The following PARVB variants were observed in gnomAD, a reference collection of about 807,000 sequenced individuals.
The protein encoded by PARVB is beta-parvin.
In PARVB, 46 loss-of-function variants were observed where a neutral mutation model predicts 47.0. The ratio of observed to expected loss-of-function variants is 0.98; its 90% CI spans 0.77 to 1.25. The LOEUF (loss-of-function observed/expected upper bound fraction) is 1.25, where lower values mean the gene tolerates loss of function less well. Ranked by LOEUF, PARVB falls within the 50% of genes most tolerant of loss-of-function variation. The pLI is 0.00. For missense variants in PARVB, 473 were observed against 471.6 expected (o/e 1.00, Z -0.03); for synonymous variants, 196 against 196.3 (o/e 1.00, Z 0.01).
intron 4 of PARVB, among the ~76,000 whole-genome samples, chr22:44,127,639 G>A (rs544010923): frequency 6.6e-6 from 1 of 152,330 alleles, no homozygotes; most frequent in East Asian, 1.9e-4. Flanking sequence ...CAGTCACAAG[G>A]GAGGGGGAGC....
intron 1 of PARVB, among the ~76,000 whole-genome samples, chr22:44,065,632 C>A (rs779365375): frequency 6.6e-6 from 1 of 152,214 alleles, no homozygotes; most frequent in East Asian, 1.9e-4. Flanking sequence ...CTACCTCCCA[C>A]CCTTTCCCCA....
intron 1 of PARVB, among the ~76,000 whole-genome samples, chr22:44,067,080 G>A (rs972847720): frequency 1.3e-5 from 2 of 152,068 alleles, no homozygotes; most frequent in African/African-American, 4.8e-5. Flanking sequence ...GGGCTCGAGC[G>A]GTCCTCCTGC....
At chr22:44,139,852 A>T (rs2147183439) in intron 7 of PARVB, 1 of 487,626 alleles carries the variant, frequency 2.1e-6, no homozygotes, top group East Asian at 3.4e-5. Flanking sequence ...CCTCCAAACA[A>T]CATTACCAGG....
chr22:44,124,148 A>G (rs1474478770), intron 4 of PARVB, among the ~76,000 whole-genome samples: 2 of 152,214 alleles, frequency 1.3e-5, no homozygotes, highest in South Asian at 2.1e-4. Flanking sequence ...GTGGGACATG[A>G]AAGGGGGACA....
chr22:44,066,096 G>A (rs1034929120), intron 1 of PARVB, among the ~76,000 whole-genome samples: 3 of 152,172 alleles, frequency 2.0e-5, no homozygotes, highest in African/African-American at 4.8e-5. Context: ...TGAGAGTGGC[G>A]CTACAGCAAA....
At position 44,125,868 on chromosome 22, in the gene PARVB, T is replaced by G. The variant is rs1197296889; in HGVS notation, c.377-5619T>G. Among the ~76,000 whole-genome samples the G allele has an allele frequency of 6.6e-6, 1 of 152,112 alleles. No homozygotes were observed. Among genetic ancestry groups the G allele is most frequent in the African/African-American group, 2.4e-5 (1 of 41,412 alleles). On this transcript the variant is annotated intron_variant, in intron 4 of 12. Coordinates refer to ENST00000338758, the MANE Select transcript of PARVB (RefSeq NM_013327.5). This position sits in a 1 kb window ranked among gnomAD's most constrained non-coding sequence, Gnocchi z 4.1. ...GAGATCAGTCAGGACACCATTGCCA[T>G]GGCCCAGGCATCTGATGAAGTAGCT... is the stretch of plus-strand genomic sequence containing the variant.
At chr22:44,021,915 A>C (rs2050654969), upstream of PARVB, among the ~76,000 whole-genome samples, 1 of 152,126 alleles carries the variant, frequency 6.6e-6, no homozygotes, top group African/African-American at 2.4e-5. Flanking sequence ...GGAGAGATGC[A>C]GGGAACAGAT....
chr22:44,052,814 T>A (rs5764484), intron 1 of PARVB, among the ~76,000 whole-genome samples: 15 of 152,116 alleles, frequency 9.9e-5, no homozygotes, highest in South Asian at 8.3e-4. Context: ...GTGTTGGTGC[T>A]CACCTGTAGT....
At chr22:44,129,762 T>G (rs1477249971) in intron 4 of PARVB, among the ~76,000 whole-genome samples, 1 of 152,170 alleles carries the variant, frequency 6.6e-6, no homozygotes, top group African/African-American at 2.4e-5. Context: ...TGTGTTTTGT[T>G]GGGCTGCTTT....
chr22:44,158,846 C>T (rs2053991939), intron 11 of PARVB, among the ~76,000 whole-genome samples: 1 of 152,226 alleles, frequency 6.6e-6, no homozygotes, highest in Non-Finnish European at 1.5e-5. Flanking sequence ...ATTTTATTTT[C>T]CCAAAGTGTT....
At chr22:44,122,930 TTTTC>T (rs1238659343) in intron 4 of PARVB, among the ~76,000 whole-genome samples, 1 of 152,178 alleles carries the variant, frequency 6.6e-6, no homozygotes, top group Non-Finnish European at 1.5e-5. Context: ...TTTCTAATAT[TTTTC>T]TATCACCAGT....
In PARVB at chr22:44,168,599, C is replaced by A. The variant is rs201458886; in HGVS notation, c.1019-3C>A. 13 of 1,606,376 alleles carry A rather than the reference C, an allele frequency of 8.1e-6. No homozygotes were observed. The East Asian group carries it at 2.5e-4, about 30-fold the overall frequency. ...TCTGAAGTTTCTCTGTTTCCTTCTGCAGACGTGGTTAACTTGGACCTCAAA... is the reference window on the plus strand; with the variant it reads ...TCTGAAGTTTCTCTGTTTCCTTCTGAAGACGTGGTTAACTTGGACCTCAAA... On this transcript the variant is annotated splice_polypyrimidine_tract_variant and splice_region_variant and intron_variant, in intron 12 of 12. Coordinates refer to ENST00000338758, the MANE Select transcript of PARVB (RefSeq NM_013327.5).
chr22:44,117,641 G>A (rs186719642), intron 3 of PARVB, among the ~76,000 whole-genome samples: 2 of 152,338 alleles, frequency 1.3e-5, no homozygotes, highest in Non-Finnish European at 2.9e-5. Context: ...TTGTGTGTCA[G>A]GTTCGATATT....
At chr22:44,084,771 C>T (rs1038489002) in intron 1 of PARVB, among the ~76,000 whole-genome samples, 4 of 152,194 alleles carry the variant, frequency 2.6e-5, no homozygotes, top group Admixed American at 1.3e-4. Context: ...GGGAGAGGCC[C>T]GAGACTCCTT....
intron 2 of PARVB, among the ~76,000 whole-genome samples, chr22:44,094,545 G>A (rs892635739): frequency 1.4e-5 from 2 of 145,848 alleles, no homozygotes; most frequent in African/African-American, 2.5e-5. Flanking sequence ...GCTGGGGTGC[G>A]GTGATATGAT....
intron 2 of PARVB, among the ~76,000 whole-genome samples, chr22:44,005,405 G>C (rs1373192097): frequency 6.8e-6 from 1 of 147,000 alleles, no homozygotes; most frequent in Middle Eastern, 3.2e-3. Flanking sequence ...GAGGTACCAC[G>C]CCTGGCCGTT....
chr22:44,096,176 G>A (rs1021754305), intron 2 of PARVB, among the ~76,000 whole-genome samples: 2 of 152,226 alleles, frequency 1.3e-5, no homozygotes, highest in Non-Finnish European at 2.9e-5. Flanking sequence ...AGTGAGCCGA[G>A]GTTGCACCAC....
At chr22:44,156,728 A>G (rs1364425347) in intron 10 of PARVB, among the ~76,000 whole-genome samples, 1 of 152,266 alleles carries the variant, frequency 6.6e-6, no homozygotes, top group East Asian at 1.9e-4. Flanking sequence ...ATATTTTACC[A>G]CAATTTAAAT....
intron 12 of PARVB, among the ~76,000 whole-genome samples, chr22:44,165,074 C>A (rs1022255924): frequency 3.9e-5 from 6 of 152,144 alleles, no homozygotes; most frequent in African/African-American, 1.2e-4. Context: ...CTCACTGCAA[C>A]CTCTTCCTCT....
Sources: gnomAD v4.1 joint callset for allele counts (sites outside exome capture counted in the v4.1 genomes callset) on GRCh38, gnomAD v4.1.1 for gene constraint, Gnocchi (gnomAD v3.1) non-coding constraint, MANE v1.5 for transcripts, NCBI Gene and HGNC (gene_info 2026-07-23, HGNC 2026-07-21) for gene names.